The following CLEC16A variants were observed in gnomAD, a reference collection of about 807,000 sequenced individuals.
CLEC16A encodes protein CLEC16A.
CLEC16A carries 51 observed loss-of-function variants against 109.5 expected under a neutral mutation model. That is an observed-to-expected ratio of 0.47 (90% confidence interval 0.37 to 0.59). The LOEUF (loss-of-function observed/expected upper bound fraction) is 0.59, where lower values mean the gene tolerates loss of function less well. CLEC16A is among the 20% of genes least tolerant of loss of function. CLEC16A has a pLI of 0.00. For missense variants in CLEC16A, 1,339 were observed against 1,394.0 expected, an observed-to-expected ratio of 0.96 and a Z score of 0.63; for synonymous variants, 673 against 564.2, an observed-to-expected ratio of 1.19 and a Z score of -2.73.
chr16:11,130,908 C>T (rs535436189), intron 22 of CLEC16A, among the ~76,000 whole-genome samples: 28 of 152,202 alleles, frequency 1.8e-4, no homozygotes, highest in African/African-American at 2.9e-4. Context: ...AAGCTATAAA[C>T]GATTGTATTT....
intron 19 of CLEC16A, among the ~76,000 whole-genome samples, chr16:11,080,556 A>T (rs1419867127): frequency 6.6e-6 from 1 of 152,244 alleles, no homozygotes; most frequent in Non-Finnish European, 1.5e-5. Context: ...CTGCTGCTAC[A>T]CATTTCTACA....
At chr16:11,134,373 A>T (rs906951863) in intron 22 of CLEC16A, among the ~76,000 whole-genome samples, 3 of 152,060 alleles carry the variant, frequency 2.0e-5, no homozygotes, top group African/African-American at 7.2e-5. Context: ...ATATGCACAA[A>T]TTCTATCCTC....
chr16:11,021,053 C>A (rs1302483419), intron 12 of CLEC16A, among the ~76,000 whole-genome samples: 8 of 152,208 alleles, frequency 5.3e-5, no homozygotes, highest in African/African-American at 1.9e-4. Flanking sequence ...CATAAATGCA[C>A]CACACCAGGA....
chr16:10,959,543 C>T (rs1224134794), intron 2 of CLEC16A, among the ~76,000 whole-genome samples: 2 of 151,528 alleles, frequency 1.3e-5, no homozygotes, highest in East Asian at 3.9e-4. Flanking sequence ...AGGCATGCAC[C>T]ACCACGTGGG....
chr16:10,978,591 G>A (rs60247181), intron 8 of CLEC16A, among the ~76,000 whole-genome samples: 1,698 of 152,290 alleles, frequency 0.011, 25 homozygotes, highest in African/African-American at 0.038. Flanking sequence ...GCTTTGAGCC[G>A]GAGGGAGACT....
At chr16:11,025,346 C>T (rs1282285357) in intron 13 of CLEC16A, among the ~76,000 whole-genome samples, 1 of 152,186 alleles carries the variant, frequency 6.6e-6, no homozygotes, top group Admixed American at 6.5e-5. Flanking sequence ...GAAATAGACC[C>T]TGGGTGGACT....
At chr16:11,161,129 A>G (rs2054707631) in intron 22 of CLEC16A, among the ~76,000 whole-genome samples, 1 of 152,260 alleles carries the variant, frequency 6.6e-6, no homozygotes, top group African/African-American at 2.4e-5. Context: ...TAAAGTGAAC[A>G]AAACCCTCTT....
intron 16 of CLEC16A, among the ~76,000 whole-genome samples, chr16:11,044,927 C>CAA (rs71404442): frequency 9.1e-4 from 79 of 86,872 alleles, no homozygotes; most frequent in South Asian, 7.2e-3. Context: ...AACTCCATCT[C>CAA]AAAAAAAAAA....
Position 11,023,283 on chromosome 16 carries a change from C to A in CLEC16A, c.1437-1538C>A, listed in dbSNP as rs76069946. Among the ~76,000 whole-genome samples, 522 of 152,208 alleles carry A rather than the reference C, an allele frequency of 3.4e-3. 15 individuals are homozygous for A. In the East Asian group the frequency reaches 0.066, roughly 19 times the overall value. On this transcript the variant is annotated intron_variant, in intron 12 of 23. Coordinates refer to ENST00000409790, the MANE Select transcript of CLEC16A (RefSeq NM_015226.3). ...AACGCTTAATGGTTTTATGATACTT[C>A]ATCTCATAAAAGATGGTACCCACCC...
At position 10,999,593 on chromosome 16, in the gene CLEC16A, A is replaced by G. The variant is rs1007432235; in HGVS notation, c.1072-3481A>G. On this transcript the variant is annotated intron_variant, in intron 10 of 23. Coordinates refer to ENST00000409790, the MANE Select transcript of CLEC16A (RefSeq NM_015226.3). ...TACCTAACAACTCCCCTATCAATGG[A>G]CATTTAGGTTATTTCCAGTTGTTTA... 3.3e-5 allele frequency among the ~76,000 whole-genome samples: 5 copies of G among 152,170 alleles called. No homozygotes were observed. The East Asian group carries it at 7.7e-4, about 23-fold the overall frequency.
chr16:10,972,299 A>G (rs2042829231), intron 5 of CLEC16A, among the ~76,000 whole-genome samples: 4 of 152,248 alleles, frequency 2.6e-5, no homozygotes, highest in African/African-American at 9.6e-5. Context: ...CCCAGGTCAC[A>G]CGCTGGACCT....
chr16:11,156,499 T>G, intron 22 of CLEC16A: 1 of 826,562 alleles, frequency 1.2e-6, no homozygotes, highest in Admixed American at 2.4e-5. Context: ...CTGCTCCAGC[T>G]GGGGTCAGTG....
chr16:11,070,961 G>A (rs1171875303), intron 19 of CLEC16A: 1 of 152,172 alleles, frequency 6.6e-6, no homozygotes, highest in Non-Finnish European at 1.5e-5. Context: ...CTTCATTTGC[G>A]GATTAATGTG....
At chr16:11,081,971 G>C (rs1294167752) in intron 19 of CLEC16A, among the ~76,000 whole-genome samples, 1 of 152,232 alleles carries the variant, frequency 6.6e-6, no homozygotes, top group Non-Finnish European at 1.5e-5. Flanking sequence ...GGCAGAGGTT[G>C]CAGTGAGCCA....
At chr16:11,002,935 T>A in intron 10 of CLEC16A, 139 bp from the exon 11 acceptor site, 1 of 660,986 alleles carries the variant, frequency 1.5e-6, no homozygotes, top group Non-Finnish European at 2.5e-6. Flanking sequence ...GCAGTAAGCA[T>A]GCGAGTGCAG....
At chr16:11,116,028 A>G (rs575546356) in intron 19 of CLEC16A, among the ~76,000 whole-genome samples, 2 of 152,190 alleles carry the variant, frequency 1.3e-5, no homozygotes, top group Admixed American at 6.5e-5. Flanking sequence ...ATGTTTTTTA[A>G]AAAATATTTT....
chr16:10,945,394 C>G (rs1295865750), intron 1 of CLEC16A, among the ~76,000 whole-genome samples: 1 of 152,130 alleles, frequency 6.6e-6, no homozygotes, highest in East Asian at 1.9e-4. Flanking sequence ...GGGGCATGCA[C>G]GCTGAGACCC....
intron 11 of CLEC16A, among the ~76,000 whole-genome samples, chr16:11,010,338 T>G (rs544864036): frequency 1.3e-5 from 2 of 152,272 alleles, no homozygotes; most frequent in East Asian, 3.9e-4. Flanking sequence ...CCTAGCACCT[T>G]TTTGTTTATT....
intron 14 of CLEC16A, chr16:11,041,141 A>G (rs1455663154): frequency 6.6e-6 from 1 of 152,258 alleles, no homozygotes; most frequent in Non-Finnish European, 1.5e-5. Flanking sequence ...GAGCACCTGC[A>G]GTCTACCACT....
Sources: gnomAD v4.1 joint callset for allele counts (sites outside exome capture counted in the v4.1 genomes callset) on GRCh38, gnomAD v4.1.1 for gene constraint, MANE v1.5 for transcripts, NCBI Gene and HGNC (gene_info 2026-07-23, HGNC 2026-07-21) for gene names.